Variants in ROR2 observed in about 807,000 individuals in gnomAD.
The protein encoded by ROR2 is tyrosine-protein kinase transmembrane receptor ROR2.
ROR2 carries 33 observed loss-of-function variants against 74.9 expected under a neutral mutation model. The ratio of observed to expected loss-of-function variants is 0.44; its 90% CI spans 0.33 to 0.59. The LOEUF is 0.59. ROR2 is among the 20% of genes least tolerant of loss of function. ROR2 has a pLI of 0.02. For synonymous variants in ROR2, 586 were observed against 558.7 expected, an observed-to-expected ratio of 1.05 and a Z score of -0.69; for missense variants, 1,216 against 1,313.8, an observed-to-expected ratio of 0.93 and a Z score of 1.15.
rs10992170 is a variant in ROR2, at chr9:91,931,932, T to C, written c.97+17935A>G. ...TAAGTGACACTAGCCAATAAAGTTC[T>C]GGGAACAATGAGTAAAGAGTTAGTC... On this transcript the variant is annotated intron_variant, in intron 1 of 8. Transcript: ENST00000375708. Among the ~76,000 whole-genome samples, 10 of 151,994 alleles carry C rather than the reference T, an allele frequency of 6.6e-5. 2 individuals are homozygous for C. Among genetic ancestry groups the C allele is most frequent in the Non-Finnish European group, 1.5e-4 (10 of 67,996 alleles).
intron 1 of ROR2, among the ~76,000 whole-genome samples, chr9:91,799,539 C>T (rs1263980917): frequency 2.6e-5 from 4 of 152,188 alleles, no homozygotes; most frequent in South Asian, 4.1e-4. Flanking sequence ...CACTCAGAAA[C>T]GGAGCCCTTA....
At chr9:91,933,538 G>T (rs1023215891) in intron 1 of ROR2, among the ~76,000 whole-genome samples, 1 of 152,158 alleles carries the variant, frequency 6.6e-6, no homozygotes, top group African/African-American at 2.4e-5. Context: ...ATACATAAAT[G>T]ACAGATATTA....
At chr9:91,762,992 T>G (rs1825961732) in intron 2 of ROR2, among the ~76,000 whole-genome samples, 1 of 152,136 alleles carries the variant, frequency 6.6e-6, no homozygotes, top group African/African-American at 2.4e-5. Flanking sequence ...TGGAATACAA[T>G]GCAGCCATAA....
chr9:91,747,840 TA>T (rs770872786), intron 4 of ROR2, among the ~76,000 whole-genome samples: 6 of 152,134 alleles, frequency 3.9e-5, no homozygotes, highest in Non-Finnish European at 7.4e-5. Flanking sequence ...AGTGGGCTGC[TA>T]CTACACACTA....
rs146432734 is a variant in ROR2 at position 91,724,028 on chromosome 9, G to A, written c.2466C>T (p.Asn822=). 6.9e-4 allele frequency: 1,108 copies of A among 1,612,174 alleles called. 17 individuals carry two copies. The South Asian group carries it at 0.01, about 15-fold the overall frequency. ...CATAGGCCGGCACCGGCTGGTAGCC[G>A]TTGACGGGGACGTAGAGCTGCGGCG... ...VPPPQLYVPV[N]GYQPVPAYGA... The change falls in exon 9 of 9, where the codon AAC becomes AAT. Residue 822 remains asparagine, a synonymous_variant. Transcript: ENST00000375708.
Position 91,722,879 on chromosome 9 carries a change from C to G in ROR2, c.*783G>C. The G allele has an allele frequency of 2.1e-6, 1 of 465,932 alleles. No individual in the cohort carries two copies. The highest frequency in any genetic ancestry group is 3.9e-6 in the Non-Finnish European group (1 of 256,762). The allele number at this position is 465,932 out of a possible 1,614,324, so 28.9% of individuals were successfully genotyped here. On this transcript the variant is annotated 3_prime_UTR_variant, in exon 9 of 9. Coordinates refer to ENST00000375708, the MANE Select transcript of ROR2 (RefSeq NM_004560.4). ...ATATAAATTACATTTAAGCTCTGTA[C>G]ATGATTCTTAACAAAAATAACAATA... is the stretch of plus-strand genomic sequence containing the variant.
chr9:91,860,226 C>T (rs548194660), intron 1 of ROR2, among the ~76,000 whole-genome samples: 11 of 152,200 alleles, frequency 7.2e-5, no homozygotes, highest in South Asian at 4.2e-4. Context: ...GAGAGCAGGC[C>T]GGGAGACAAC....
chr9:91,753,156 C>G (rs142528253), intron 4 of ROR2, among the ~76,000 whole-genome samples: 1 of 152,094 alleles, frequency 6.6e-6, no homozygotes, highest in African/African-American at 2.4e-5. Context: ...TCATGACATT[C>G]TTTAACAAGA....
In ROR2 at chr9:91,730,997, G is replaced by A. The variant is rs2118683688; in HGVS notation, c.1096C>T (p.Arg366Trp). The A allele has an allele frequency of 1.9e-6, 3 of 1,614,148 alleles. No individual in the cohort carries two copies. Among genetic ancestry groups the A allele is most frequent in the Non-Finnish European group, 2.5e-6 (3 of 1,180,038 alleles). ...PELGGGHAYC[R>W]NPGGQMEGPW... ...CCCTCCATCTGGCCTCCGGGGTTCC[G>A]GCAGTAGGCGTGCCCCCCTCCAAGC... The change falls in exon 7 of 9, where the codon CGG becomes TGG. Residue 366 changes from arginine to tryptophan, a missense_variant. Physicochemically the swap from Arg to Trp is moderately radical, Grantham distance 101 (BLOSUM62 -3). Transcript: ENST00000375708.
chr9:91,811,081 G>A (rs1248780972), intron 1 of ROR2, among the ~76,000 whole-genome samples: 3 of 152,240 alleles, frequency 2.0e-5, no homozygotes, highest in African/African-American at 7.2e-5. Flanking sequence ...CTGGCTAGGA[G>A]GAAAAGGGAC....
At chr9:91,882,734 C>A (rs950782799) in intron 1 of ROR2, among the ~76,000 whole-genome samples, 1 of 152,070 alleles carries the variant, frequency 6.6e-6, no homozygotes, top group African/African-American at 2.4e-5. Flanking sequence ...CCCTAATCCA[C>A]GAAGACAGAT....
intron 1 of ROR2, among the ~76,000 whole-genome samples, chr9:91,837,414 A>C (rs1487304526): frequency 1.3e-5 from 2 of 152,254 alleles, no homozygotes; most frequent in Non-Finnish European, 2.9e-5. Flanking sequence ...ATGAGATCAC[A>C]TCACATCCAC....
chr9:91,938,751 T>G (rs75326261), intron 1 of ROR2, among the ~76,000 whole-genome samples: 7,690 of 152,278 alleles, frequency 0.05, 476 homozygotes, highest in East Asian at 0.24. Flanking sequence ...CAGAATCTCT[T>G]CTTTGAAATC....
intron 4 of ROR2, among the ~76,000 whole-genome samples, chr9:91,749,114 C>T (rs1438388092): frequency 6.6e-6 from 1 of 152,158 alleles, no homozygotes; most frequent in Admixed American, 6.5e-5. Flanking sequence ...ATTAGTTCTC[C>T]CCTAATCAAT....
At chr9:91,919,780 G>A (rs1483236004) in intron 1 of ROR2, among the ~76,000 whole-genome samples, 2 of 152,070 alleles carry the variant, frequency 1.3e-5, no homozygotes, top group Non-Finnish European at 2.9e-5. Flanking sequence ...ACCCAGCCTG[G>A]CCGATCTCAC....
intron 1 of ROR2, among the ~76,000 whole-genome samples, chr9:91,891,142 C>T (rs1830408670): frequency 6.6e-6 from 1 of 152,118 alleles, no homozygotes; most frequent in Non-Finnish European, 1.5e-5. Flanking sequence ...TTCTAAACAC[C>T]AACTATGTAT....
intron 2 of ROR2, among the ~76,000 whole-genome samples, chr9:91,763,458 C>A (rs1315878934): frequency 1.3e-5 from 2 of 152,230 alleles, no homozygotes; most frequent in Non-Finnish European, 2.9e-5. Context: ...TAAAGTGCTT[C>A]CCTACAGCTG....
In ROR2 at chr9:91,876,741, A is replaced by T. The variant is rs535226997; in HGVS notation, c.97+73126T>A. 2.4e-3 allele frequency among the ~76,000 whole-genome samples: 364 copies of T among 152,340 alleles called. 1 individual carries two copies. Among genetic ancestry groups the T allele is most frequent in the Non-Finnish European group, 3.5e-3 (238 of 68,028 alleles). On this transcript the variant is annotated intron_variant, in intron 1 of 8. Transcript: ENST00000375708. Reference sequence around the variant, plus strand: ...AAATAGAAAAGAAGGTATTGAAATCAAAATAGGATTCCAACATTAAAAGGA... The same window carrying T: ...AAATAGAAAAGAAGGTATTGAAATCTAAATAGGATTCCAACATTAAAAGGA...
At chr9:91,783,353 A>C (rs1407007349) in intron 1 of ROR2, among the ~76,000 whole-genome samples, 1 of 151,998 alleles carries the variant, frequency 6.6e-6, no homozygotes, top group Non-Finnish European at 1.5e-5. Flanking sequence ...TGAGAATGAC[A>C]CACACAATGG....
Sources: allele counts gnomAD v4.1 joint callset (sites outside exome capture counted in the v4.1 genomes callset), GRCh38; gene constraint gnomAD v4.1.1; transcripts MANE v1.5; gene names NCBI Gene and HGNC (gene_info 2026-07-23, HGNC 2026-07-21).